PHIP: variants seen among roughly 807,000 people sequenced by gnomAD.
PHIP encodes PHIP subunit of CUL4-Ring ligase complex, also known as PH-interacting protein.
Under a neutral mutation model 236.8 loss-of-function variants are expected in PHIP, and 54 were observed. The observed-to-expected ratio is 0.23, with a 90% CI of 0.18 to 0.29. PHIP has a LOEUF of 0.29. Ranked by LOEUF, PHIP falls within the 10% of genes least tolerant of loss-of-function variation. PHIP has a pLI of 1.00. For synonymous variants in PHIP, 756 were observed against 718.9 expected, an observed-to-expected ratio of 1.05 and a Z score of -0.83; for missense variants, 1,370 against 2,190.8, an observed-to-expected ratio of 0.63 and a Z score of 7.48.
intron 24 of PHIP, among the ~76,000 whole-genome samples, chr6:78,973,275 G>C (rs972209161): frequency 3.4e-4 from 51 of 151,430 alleles, no homozygotes; most frequent in African/African-American, 1.1e-3. Flanking sequence ...TCCAGCCAAA[G>C]TAAGCTTCAT....
chr6:79,054,812 T>C (rs1040185466), intron 6 of PHIP, among the ~76,000 whole-genome samples: 5 of 151,896 alleles, frequency 3.3e-5, no homozygotes, highest in Admixed American at 6.6e-5. Context: ...TGGCAAAATA[T>C]AGCACAAGGT....
At chr6:79,023,001 C>T (rs1361935639) in intron 9 of PHIP, among the ~76,000 whole-genome samples, 1 of 152,226 alleles carries the variant, frequency 6.6e-6, no homozygotes, top group Non-Finnish European at 1.5e-5. Context: ...AAATTTTTGG[C>T]AGTTTTCAAC....
chr6:79,014,745 C>T (rs1016091340), intron 15 of PHIP, among the ~76,000 whole-genome samples: 8 of 151,670 alleles, frequency 5.3e-5, no homozygotes, highest in African/African-American at 1.9e-4. Context: ...TACAATAATA[C>T]GAGTATTTAT....
At chr6:79,031,004 T>G (rs117319782) in intron 7 of PHIP, among the ~76,000 whole-genome samples, 1 of 152,100 alleles carries the variant, frequency 6.6e-6, no homozygotes, top group South Asian at 2.1e-4. Context: ...AGTATTGTAG[T>G]GCGATCTCGG....
rs1381299186 is a variant in PHIP, at chr6:79,053,183, G to A, written c.439+7295C>T. ...ACAAAAATTAGCCGGGTGTGGTGGT[G>A]CATGCCTGCAGTCTCAGCTACTTGA... On this transcript the variant is annotated intron_variant, in intron 6 of 39. Transcript: ENST00000275034. 4.6e-5 allele frequency among the ~76,000 whole-genome samples: 7 copies of A among 152,228 alleles called. No individual in the cohort carries two copies. In the East Asian group the frequency reaches 9.7e-4, roughly 21 times the overall value.
intron 22 of PHIP, among the ~76,000 whole-genome samples, chr6:78,984,391 C>CT (rs145323749): frequency 0.015 from 2,180 of 149,874 alleles, 26 homozygotes; most frequent in Non-Finnish European, 0.022. Flanking sequence ...ATGGTACCTG[C>CT]CAAATCACAC....
intron 2 of PHIP, 51 bp from the exon 3 acceptor site, chr6:79,077,780 C>T: frequency 1.1e-6 from 1 of 947,446 alleles, no homozygotes; most frequent in Non-Finnish European, 1.3e-6. Flanking sequence ...GGCCGCGGCC[C>T]CGCCGCCGCC....
intron 35 of PHIP, among the ~76,000 whole-genome samples, chr6:78,953,709 T>G (rs1371464775): frequency 2.0e-5 from 3 of 152,176 alleles, no homozygotes; most frequent in African/African-American, 7.2e-5. Flanking sequence ...TGAAATTTCT[T>G]TATTTTCATC....
chr6:78,955,714 T>C (rs1191231835), intron 32 of PHIP, 32 bp from the exon 33 acceptor site: 1 of 715,856 alleles, frequency 1.4e-6, no homozygotes, highest in African/African-American at 1.8e-5. Flanking sequence ...ACATGTAAGA[T>C]TAGAACCATG....
At position 78,955,573 on chromosome 6, in the gene PHIP, G is replaced by A. The variant is rs756170263; in HGVS notation, c.3852+40C>T. On this transcript the variant is annotated intron_variant, in intron 33 of 39. Transcript: ENST00000275034. ...TACAATATGTAAATTTTTTTATATA[G>A]AGAATATCAATATGGTAATAATAAT... 3 of 682,276 alleles carry A rather than the reference G, an allele frequency of 4.4e-6. No individual in the cohort carries two copies. In the East Asian group the frequency reaches 8.5e-5, roughly 19 times the overall value. The allele number at this position is 682,276 out of a possible 1,614,324, so 42.3% of individuals were successfully genotyped here.
At chr6:79,064,544 A>G (rs1358712567) in intron 4 of PHIP, among the ~76,000 whole-genome samples, 1 of 152,224 alleles carries the variant, frequency 6.6e-6, no homozygotes, top group African/African-American at 2.4e-5. Context: ...TCCAATAAGC[A>G]TTTTTAAATC....
At chr6:79,020,715 C>T (rs1771076121) in intron 9 of PHIP, among the ~76,000 whole-genome samples, 1 of 152,198 alleles carries the variant, frequency 6.6e-6, no homozygotes, top group African/African-American at 2.4e-5. Flanking sequence ...TTCGCTACAA[C>T]ACTGTTCACA....
chr6:78,980,915 G>C (rs141817547), intron 23 of PHIP, among the ~76,000 whole-genome samples: 514 of 152,134 alleles, frequency 3.4e-3, no homozygotes, highest in Non-Finnish European at 5.7e-3. Context: ...ATTTATCTAT[G>C]TTCAATGGGG....
intron 25 of PHIP, 36 bp downstream of exon 25, chr6:78,970,744 AT>A: frequency 7.7e-7 from 1 of 1,306,690 alleles, no homozygotes; most frequent in Non-Finnish European, 1.1e-6. Flanking sequence ...CCATAATTGT[AT>A]TTTTGGGGCT....
intron 13 of PHIP, 142 bp from the exon 14 acceptor site, chr6:79,015,925 G>T: frequency 1.7e-6 from 1 of 592,468 alleles, no homozygotes; most frequent in Non-Finnish European, 2.9e-6. Context: ...AATCAACATG[G>T]AATGATGGTA....
At chr6:79,067,790 A>G (rs1773697861) in intron 4 of PHIP, 1 of 153,328 alleles carries the variant, frequency 6.5e-6, no homozygotes, top group African/African-American at 2.4e-5. Flanking sequence ...TCTTGGCCCA[A>G]GTCATAAATC....
chr6:79,025,704 TAAC>T (rs1771366596), intron 8 of PHIP, 85 bp from the exon 9 acceptor site: 4 of 862,982 alleles, frequency 4.6e-6, no homozygotes, highest in East Asian at 4.8e-5. Flanking sequence ...AAATAGCAAC[TAAC>T]AACAACAGTT....
intron 1 of PHIP, 50 bp downstream of exon 1, chr6:79,077,979 C>A (rs1316706311): frequency 8.1e-6 from 13 of 1,598,910 alleles, no homozygotes; most frequent in East Asian, 2.3e-5. Context: ...GGCGGGGGAC[C>A]GCGGGCGGAA....
Position 78,936,690 on chromosome 6 carries a change from C to T in PHIP, c.*4003G>A, listed in dbSNP as rs1208919927. 6.6e-6 allele frequency: 1 copy of T among 151,856 alleles called. No homozygotes were observed. The highest frequency in any genetic ancestry group is 1.9e-4 in the East Asian group (1 of 5,196). The allele number at this position is 151,856 out of a possible 1,614,324, so 9.4% of individuals were successfully genotyped here. On this transcript the variant is annotated 3_prime_UTR_variant, in exon 40 of 40. Coordinates refer to ENST00000275034, the MANE Select transcript of PHIP (RefSeq NM_017934.7). ...ATTTATAGCTCATATTTTCTACTCA[C>T]TGTTCTACTGCAGTGTGTACAAGGT...
Sources: gnomAD v4.1 joint callset for allele counts (sites outside exome capture counted in the v4.1 genomes callset) on GRCh38, gnomAD v4.1.1 for gene constraint, MANE v1.5 for transcripts, NCBI Gene and HGNC (gene_info 2026-07-23, HGNC 2026-07-21) for gene names.